The following MRTFB variants were observed in gnomAD, a reference collection of about 807,000 sequenced individuals.
MRTFB encodes the protein myocardin-related transcription factor B.
In MRTFB, 29 loss-of-function variants were observed where a neutral mutation model predicts 104.2. That is an observed-to-expected ratio of 0.28 (90% CI 0.21 to 0.38). The LOEUF is 0.38. Among genes scored for constraint, MRTFB ranks in the 10% least tolerant of loss-of-function variants. MRTFB has a pLI of 1.00. For missense variants in MRTFB, 1,270 were observed against 1,341.6 expected (o/e 0.95, Z 0.83); for synonymous variants, 535 against 519.5 (o/e 1.03, Z -0.41).
At chr16:14,077,657 C>T (rs778238752) in intron 1 of MRTFB, among the ~76,000 whole-genome samples, 1 of 151,958 alleles carries the variant, frequency 6.6e-6, no homozygotes. Flanking sequence ...CTTCTCTGAG[C>T]CTCAGTTTTC....
At chr16:14,232,586 C>G (rs1221439259) in intron 8 of MRTFB, among the ~76,000 whole-genome samples, 1 of 152,202 alleles carries the variant, frequency 6.6e-6, no homozygotes, top group Admixed American at 6.5e-5. Flanking sequence ...TCAACACTCA[C>G]AGTTACTAAT....
chr16:14,154,220 T>C (rs1306520637), intron 3 of MRTFB, among the ~76,000 whole-genome samples: 6 of 152,138 alleles, frequency 3.9e-5, no homozygotes, highest in African/African-American at 1.4e-4. Context: ...CTGTAGTCCC[T>C]GCTACTTGCG....
intron 3 of MRTFB, among the ~76,000 whole-genome samples, chr16:14,145,766 T>G (rs2038279524): frequency 6.6e-6 from 1 of 152,244 alleles, no homozygotes; most frequent in South Asian, 2.1e-4. Context: ...ACACGTTAGA[T>G]CCATCTTTCT....
chr16:14,201,478 A>G (rs1315125755), intron 3 of MRTFB, among the ~76,000 whole-genome samples: 1 of 152,194 alleles, frequency 6.6e-6, no homozygotes, highest in East Asian at 1.9e-4. Context: ...TTTAATATGT[A>G]CTTCCTGGGG....
intron 3 of MRTFB, among the ~76,000 whole-genome samples, chr16:14,146,048 T>C (rs1288537495): frequency 6.6e-6 from 1 of 152,254 alleles, no homozygotes; most frequent in East Asian, 1.9e-4. Flanking sequence ...TTTAAGGTTT[T>C]AAGTCATTGC....
chr16:14,044,790 C>T, the MRTFB span, among the ~76,000 whole-genome samples: 2 of 152,150 alleles, frequency 1.3e-5, no homozygotes, highest in South Asian at 2.1e-4. Flanking sequence ...AGGTGGCATT[C>T]GGGATATATA....
chr16:14,259,335 T>G (rs1427211507), intron 16 of MRTFB, among the ~76,000 whole-genome samples: 1 of 151,924 alleles, frequency 6.6e-6, no homozygotes, highest in Non-Finnish European at 1.5e-5. Context: ...AACTTGGAAA[T>G]TAAAATGTGA....
At chr16:14,254,195 C>G (rs2043379404) in intron 15 of MRTFB, among the ~76,000 whole-genome samples, 2 of 152,188 alleles carry the variant, frequency 1.3e-5, no homozygotes, top group Admixed American at 6.5e-5. Context: ...CCATTGAGCA[C>G]CAAACTTCGT....
the MRTFB span, among the ~76,000 whole-genome samples, chr16:14,033,860 A>C: frequency 1.3e-5 from 2 of 151,186 alleles, no homozygotes; most frequent in East Asian, 3.9e-4. Flanking sequence ...AAAAAGAAGA[A>C]GAAGAAGAAA....
intron 13 of MRTFB, among the ~76,000 whole-genome samples, chr16:14,251,598 A>G (rs1296435501): frequency 6.6e-6 from 1 of 152,108 alleles, no homozygotes; most frequent in Non-Finnish European, 1.5e-5. Flanking sequence ...GCCAAATCTA[A>G]CCCACCACCT....
intron 2 of MRTFB, among the ~76,000 whole-genome samples, chr16:14,134,744 A>G (rs1174197164): frequency 3.3e-5 from 5 of 152,038 alleles, no homozygotes; most frequent in Non-Finnish European, 4.4e-5. Context: ...CTCTCTCCCA[A>G]TTCTTTGCTC....
chr16:14,153,344 CT>C (rs983915468), intron 3 of MRTFB: 2 of 152,076 alleles, frequency 1.3e-5, no homozygotes, highest in African/African-American at 2.4e-5. Flanking sequence ...TTTCTAACAA[CT>C]TTTTTATCTC....
intron 11 of MRTFB, among the ~76,000 whole-genome samples, 192 bp from the exon 12 acceptor site, chr16:14,246,281 C>G (rs372988032): frequency 6.6e-6 from 1 of 152,218 alleles, no homozygotes; most frequent in African/African-American, 2.4e-5. Context: ...TACCGTATCA[C>G]TGGCTCCTCA....
At chr16:14,249,180 G>A (rs2043151844) in intron 13 of MRTFB, 99 bp downstream of exon 13, 1 of 1,373,032 alleles carries the variant, frequency 7.3e-7, no homozygotes, top group Non-Finnish European at 9.8e-7. Context: ...GGAAGTTCCT[G>A]TTCATTCTTT....
intron 2 of MRTFB, among the ~76,000 whole-genome samples, chr16:14,126,087 G>A (rs1181022758): frequency 6.6e-6 from 1 of 152,138 alleles, no homozygotes; most frequent in Non-Finnish European, 1.5e-5. Flanking sequence ...TTGAACTTTA[G>A]AAAATAAAGC....
intron 3 of MRTFB, among the ~76,000 whole-genome samples, chr16:14,161,624 C>T (rs1321963366): frequency 6.6e-6 from 1 of 151,968 alleles, no homozygotes; most frequent in Non-Finnish European, 1.5e-5. Context: ...TCTTGTGTAC[C>T]AAAAGACATC....
At chr16:14,125,338 T>C (rs191138855) in intron 2 of MRTFB, among the ~76,000 whole-genome samples, 6 of 152,332 alleles carry the variant, frequency 3.9e-5, no homozygotes, top group African/African-American at 1.4e-4. Context: ...GCCATTTCTG[T>C]TTCATGGGCA....
upstream of MRTFB, among the ~76,000 whole-genome samples, chr16:14,069,473 C>G (rs1478430466): frequency 6.6e-6 from 1 of 152,192 alleles, no homozygotes; most frequent in African/African-American, 2.4e-5. Context: ...TACATCCCCT[C>G]TTATGAATCT....
intron 2 of MRTFB, among the ~76,000 whole-genome samples, chr16:14,098,547 G>A (rs1278609149): frequency 6.6e-6 from 1 of 152,148 alleles, no homozygotes; most frequent in East Asian, 1.9e-4. Context: ...TCAAAGAGCA[G>A]TTCTTAATTT....
Sources: gnomAD v4.1 joint callset for allele counts (sites outside exome capture counted in the v4.1 genomes callset) on GRCh38, gnomAD v4.1.1 for gene constraint, MANE v1.5 for transcripts, NCBI Gene and HGNC (gene_info 2026-07-23, HGNC 2026-07-21) for gene names.